UBE2F: variants seen among roughly 807,000 people sequenced by gnomAD.
UBE2F encodes the protein ubiquitin conjugating enzyme E2 F (putative), also known as NEDD8-conjugating enzyme UBE2F.
In UBE2F, 5 loss-of-function variants were observed where a neutral mutation model predicts 29.6. That is an observed-to-expected ratio of 0.17 (90% CI 0.09 to 0.36). The LOEUF is 0.36. Among genes scored for constraint, UBE2F ranks in the 10% least tolerant of loss-of-function variants. UBE2F has a pLI of 1.00. For synonymous variants in UBE2F, 66 were observed against 81.8 expected (o/e 0.81, Z 1.04); for missense variants, 141 against 228.5 (o/e 0.62, Z 2.47).
intron 4 of UBE2F, among the ~76,000 whole-genome samples, chr2:238,011,729 G>A (rs979238808): frequency 4.6e-5 from 7 of 152,176 alleles, no homozygotes; most frequent in Non-Finnish European, 1.0e-4. Context: ...TCTGATACCA[G>A]TTTTCTTCCA....
At chr2:238,017,434 G>A (rs980849650) in intron 5 of UBE2F, among the ~76,000 whole-genome samples, 7 of 152,144 alleles carry the variant, frequency 4.6e-5, no homozygotes, top group African/African-American at 1.7e-4. Flanking sequence ...AGGCAGATAG[G>A]GCCAGGTCAA....
intron 6 of UBE2F, among the ~76,000 whole-genome samples, chr2:238,026,166 T>A (rs944689060): frequency 2.0e-5 from 3 of 152,190 alleles, no homozygotes; most frequent in Admixed American, 1.3e-4. Flanking sequence ...CCCCCACCCC[T>A]GCCCGGCTGC....
chr2:237,978,024 C>T (rs2063315427), intron 2 of UBE2F, among the ~76,000 whole-genome samples: 1 of 152,110 alleles, frequency 6.6e-6, no homozygotes, highest in African/African-American at 2.4e-5. Flanking sequence ...ACTCAAGCAG[C>T]AAGGAAGGCC....
intron 6 of UBE2F, among the ~76,000 whole-genome samples, chr2:238,030,026 G>C (rs1244087298): frequency 6.6e-6 from 1 of 151,502 alleles, no homozygotes; most frequent in Non-Finnish European, 1.5e-5. Context: ...GCTCACTGCA[G>C]CCTTGAACTT....
chr2:238,013,076 A>G (rs936592182), intron 4 of UBE2F, among the ~76,000 whole-genome samples: 1 of 152,108 alleles, frequency 6.6e-6, no homozygotes, highest in African/African-American at 2.4e-5. Flanking sequence ...CAGGAGTTTG[A>G]GACCAGCGTG....
At position 237,985,083 on chromosome 2, in the gene UBE2F, C is replaced by T. The variant is rs542149669; in HGVS notation, c.119-2880C>T. Among the ~76,000 whole-genome samples, 10 of 152,090 alleles carry T rather than the reference C, an allele frequency of 6.6e-5. 1 individual carries two copies. In the South Asian group the frequency reaches 2.1e-3, roughly 32 times the overall value. On this transcript the variant is annotated intron_variant, in intron 2 of 9. Transcript: ENST00000272930. ...TCCTGGCCTGAAGCAATCCTCCTGC[C>T]TCGGCCTCCCAAAGCACTGGGATTA...
Position 237,975,620 on chromosome 2 carries a change from G to A in UBE2F, c.118+2395G>A, listed in dbSNP as rs182783740. ...ACAAATCACTGTTAAACTGGGGAAG[G>A]AATGGGAACTGTGAGGGCACTGGGT... On this transcript the variant is annotated intron_variant, in intron 2 of 9. Transcript: ENST00000272930. Among the ~76,000 whole-genome samples the A allele has an allele frequency of 2.5e-3, 378 of 152,306 alleles. 3 individuals carry two copies. Among genetic ancestry groups the A allele is most frequent in the Admixed American group, 5.2e-3 (80 of 15,284 alleles).
At chr2:237,980,548 C>G (rs1178932233) in intron 2 of UBE2F, among the ~76,000 whole-genome samples, 1 of 152,126 alleles carries the variant, frequency 6.6e-6, no homozygotes, top group African/African-American at 2.4e-5. Context: ...CTAATTACCT[C>G]CAAATACCAT....
In UBE2F at chr2:237,973,178, C is replaced by T. The variant is rs2106323185; in HGVS notation, c.71C>T (p.Ser24Phe). ...LKGSRTAATA[S>F]DSTRRVSVRD... ...GGGTCCCGGACGGCAGCCACAGCGT[C>T]CGACTCGACTCGGAGGGTTTCTGTG... The change falls in exon 2 of 10, where the codon TCC becomes TTC. Residue 24 changes from serine to phenylalanine, a missense_variant. Transcript: ENST00000272930. The T allele has an allele frequency of 6.2e-7, 1 of 1,614,052 alleles. No homozygotes were observed. Among genetic ancestry groups the T allele is most frequent in the East Asian group, 2.2e-5 (1 of 44,872 alleles).
intron 8 of UBE2F, chr2:238,032,506 T>A (rs1207840608): frequency 7.6e-6 from 3 of 395,982 alleles, no homozygotes; most frequent in Non-Finnish European, 1.4e-5. Flanking sequence ...TCCCAGCTGC[T>A]TGGAAGGCTG....
At chr2:237,994,920 A>G in intron 4 of UBE2F, 111 bp downstream of exon 4, 1 of 749,234 alleles carries the variant, frequency 1.3e-6, no homozygotes, top group Non-Finnish European at 2.3e-6. Flanking sequence ...AGATTAACAC[A>G]TTAATAACAA....
chr2:237,980,988 T>C (rs1047051514), intron 2 of UBE2F, among the ~76,000 whole-genome samples: 2 of 152,236 alleles, frequency 1.3e-5, no homozygotes, highest in African/African-American at 4.8e-5. Context: ...AAATGGGTCC[T>C]GTGGTTTGAT....
At chr2:238,020,859 G>A (rs1398959336) in intron 5 of UBE2F, among the ~76,000 whole-genome samples, 1 of 152,170 alleles carries the variant, frequency 6.6e-6, no homozygotes, top group Non-Finnish European at 1.5e-5. Context: ...ATGGGAACTT[G>A]GTGGCCTTTT....
intron 2 of UBE2F, among the ~76,000 whole-genome samples, chr2:237,984,912 T>G (rs1449998332): frequency 6.6e-6 from 1 of 151,498 alleles, no homozygotes; most frequent in East Asian, 1.9e-4. Flanking sequence ...CCTGAGTAAT[T>G]GGGACTACAG....
intron 2 of UBE2F, among the ~76,000 whole-genome samples, chr2:237,985,406 T>A (rs927547566): frequency 2.0e-5 from 3 of 152,188 alleles, no homozygotes; most frequent in Non-Finnish European, 4.4e-5. Context: ...CACCGTTTTC[T>A]GTTCCTTCAT....
At chr2:238,022,783 G>A (rs988668846) in intron 5 of UBE2F, among the ~76,000 whole-genome samples, 1 of 152,156 alleles carries the variant, frequency 6.6e-6, no homozygotes, top group Non-Finnish European at 1.5e-5. Context: ...GCCAAGCACT[G>A]AGGGGGAATG....
chr2:237,991,405 A>G (rs1000061179), intron 3 of UBE2F, among the ~76,000 whole-genome samples: 1 of 152,278 alleles, frequency 6.6e-6, no homozygotes, highest in East Asian at 1.9e-4. Flanking sequence ...ACTAGTTTGG[A>G]GCTCTGCACA....
At chr2:238,015,704 A>T (rs185907116) in intron 4 of UBE2F, among the ~76,000 whole-genome samples, 2 of 152,328 alleles carry the variant, frequency 1.3e-5, no homozygotes, top group East Asian at 3.9e-4. Context: ...GTTCATGATG[A>T]TAAATATTTT....
chr2:238,008,266 T>C (rs1006999539), intron 4 of UBE2F, among the ~76,000 whole-genome samples: 2 of 152,162 alleles, frequency 1.3e-5, no homozygotes, highest in African/African-American at 4.8e-5. Flanking sequence ...GCCTATTAAT[T>C]CTTTATTCAG....
Sources: allele counts gnomAD v4.1 joint callset (sites outside exome capture counted in the v4.1 genomes callset), GRCh38; gene constraint gnomAD v4.1.1; transcripts MANE v1.5; gene names NCBI Gene and HGNC (gene_info 2026-07-23, HGNC 2026-07-21).